AK8: variants seen among roughly 807,000 people sequenced by gnomAD.
AK8 encodes ATP-AMP transphosphorylase 8.
A neutral mutation model predicts 54.6 loss-of-function variants in AK8; 44 were observed. The observed-to-expected ratio is 0.81, with a 90% confidence interval of 0.63 to 1.04. The LOEUF is 1.04. Ranked by LOEUF, AK8 falls within the 50% of genes least tolerant of loss-of-function variation. AK8 has a pLI of 0.00. For synonymous variants in AK8, 239 were observed against 245.6 expected (o/e 0.97, Z 0.25); for missense variants, 555 against 613.6 (o/e 0.90, Z 1.01).
chr9:132,813,394 C>G (rs1341262078), intron 10 of AK8, among the ~76,000 whole-genome samples: 1 of 152,218 alleles, frequency 6.6e-6, no homozygotes, highest in Non-Finnish European at 1.5e-5. Flanking sequence ...TCCTCCTCAT[C>G]AACCTGCTCC....
At chr9:132,852,765 G>C (rs1354994754) in intron 5 of AK8, among the ~76,000 whole-genome samples, 1 of 87,814 alleles carries the variant, frequency 1.1e-5, no homozygotes, top group South Asian at 4.2e-4. Flanking sequence ...GTGAGATTAG[G>C]TCTCAAAAAA....
At chr9:132,818,976 A>G (rs1223182495) in intron 9 of AK8, among the ~76,000 whole-genome samples, 3 of 152,246 alleles carry the variant, frequency 2.0e-5, no homozygotes, top group Non-Finnish European at 4.4e-5. Flanking sequence ...TAAGAAAGTT[A>G]GAGAAACTTC....
At chr9:132,726,260 C>T (rs1836565099) in intron 12 of AK8, among the ~76,000 whole-genome samples, 1 of 150,696 alleles carries the variant, frequency 6.6e-6, no homozygotes, top group African/African-American at 2.4e-5. Context: ...CCCTCCCTCC[C>T]CTATCCTCCC....
intron 5 of AK8, among the ~76,000 whole-genome samples, chr9:132,844,396 A>G (rs1000250553): frequency 6.6e-6 from 1 of 152,098 alleles, no homozygotes; most frequent in East Asian, 1.9e-4. Context: ...TTCCCTGAAC[A>G]CTATTCCCTG....
intron 11 of AK8, among the ~76,000 whole-genome samples, chr9:132,748,937 C>T (rs575356589): frequency 1.3e-5 from 2 of 151,918 alleles, no homozygotes; most frequent in Non-Finnish European, 2.9e-5. Flanking sequence ...TGCAATGGCG[C>T]GATCTCGGCT....
intron 5 of AK8, among the ~76,000 whole-genome samples, chr9:132,828,986 C>T (rs1187429044): frequency 1.4e-5 from 2 of 143,494 alleles, no homozygotes; most frequent in African/African-American, 5.2e-5. Flanking sequence ...GATGGAGTTT[C>T]ACTCTCGTTG....
chr9:132,834,946 T>C (rs1468124403), intron 5 of AK8, among the ~76,000 whole-genome samples: 1 of 151,718 alleles, frequency 6.6e-6, no homozygotes, highest in East Asian at 1.9e-4. Context: ...CTCGGCTCAC[T>C]GCGACCTTCT....
At chr9:132,805,989 C>G (rs1057499001) in intron 10 of AK8, among the ~76,000 whole-genome samples, 1 of 151,866 alleles carries the variant, frequency 6.6e-6, no homozygotes, top group African/African-American at 2.4e-5. Context: ...ACAGCGGGGG[C>G]TCTGGGTTGG....
At chr9:132,853,510 T>C (rs1564439848) in intron 5 of AK8, among the ~76,000 whole-genome samples, 1 of 151,738 alleles carries the variant, frequency 6.6e-6, no homozygotes, top group Non-Finnish European at 1.5e-5. Context: ...CAGAAGTAAG[T>C]GGAGGCTGGG....
chr9:132,786,547 A>G (rs1294958677), intron 11 of AK8, among the ~76,000 whole-genome samples: 1 of 152,148 alleles, frequency 6.6e-6, no homozygotes, highest in East Asian at 1.9e-4. Context: ...TCTCTGGGGA[A>G]TCGGAGCAGC....
intron 5 of AK8, among the ~76,000 whole-genome samples, chr9:132,852,371 AG>A (rs1036532162): frequency 2.6e-5 from 4 of 152,278 alleles, no homozygotes; most frequent in African/African-American, 9.6e-5. Flanking sequence ...GCACTTTGGA[AG>A]GTCGAGGCGG....
chr9:132,848,985 T>C (rs2131367977), intron 5 of AK8, among the ~76,000 whole-genome samples: 1 of 148,262 alleles, frequency 6.7e-6, no homozygotes, highest in Non-Finnish European at 1.5e-5. Flanking sequence ...CTCGGCTCAC[T>C]GCAACCTCTG....
At chr9:132,758,443 TTTTG>T (rs893516200) in intron 11 of AK8, among the ~76,000 whole-genome samples, 3 of 152,144 alleles carry the variant, frequency 2.0e-5, no homozygotes, top group East Asian at 1.9e-4. Flanking sequence ...TTTTCTTTTT[TTTTG>T]TTTGTTTGTT....
intron 5 of AK8, among the ~76,000 whole-genome samples, chr9:132,842,100 G>C (rs939493381): frequency 1.3e-5 from 2 of 152,190 alleles, no homozygotes; most frequent in Non-Finnish European, 2.9e-5. Flanking sequence ...AGAAAACAAA[G>C]CTAGCACACT....
At chr9:132,857,036 C>T (rs1843197750) in intron 4 of AK8, among the ~76,000 whole-genome samples, 2 of 152,076 alleles carry the variant, frequency 1.3e-5, no homozygotes, top group African/African-American at 4.8e-5. Flanking sequence ...GGATGGTGCA[C>T]AGAGGAAAAA....
chr9:132,761,247 CTTTTTTCT>C (rs943374435), intron 11 of AK8, among the ~76,000 whole-genome samples: 1 of 143,152 alleles, frequency 7.0e-6, no homozygotes, highest in African/African-American at 2.7e-5. Context: ...TTTTCTATTT[CTTTTTTCT>C]TTTCTTTTCT....
chr9:132,871,024 T>A (rs547395604), intron 2 of AK8, among the ~76,000 whole-genome samples: 2 of 152,232 alleles, frequency 1.3e-5, no homozygotes, highest in South Asian at 4.1e-4. Context: ...GGCGGGTGGA[T>A]CATCTGAGGT....
At chr9:132,727,121 G>A (rs779006930) in intron 12 of AK8, among the ~76,000 whole-genome samples, 4 of 152,112 alleles carry the variant, frequency 2.6e-5, no homozygotes, top group African/African-American at 7.2e-5. Context: ...GGGATGCATC[G>A]TGGCTCAAGG....
rs1841883509 is a variant in AK8 at position 132,826,715 on chromosome 9, C to G, written c.757+139G>C. 2 of 992,130 alleles carry G rather than the reference C, an allele frequency of 2.0e-6. No homozygotes were observed. Among genetic ancestry groups the G allele is most frequent in the East Asian group, 2.6e-5 (1 of 39,162 alleles). The allele number at this position is 992,130 out of a possible 1,614,324, so 61.5% of individuals were successfully genotyped here. A position where few individuals can be genotyped will look rare whatever the true frequency, so the allele number is the denominator to read the frequency against. On this transcript the variant is annotated intron_variant, in intron 8 of 12. Transcript: ENST00000298545. This position sits in a 1 kb window ranked among gnomAD's most constrained non-coding sequence, Gnocchi z 4.5. Reference sequence around the variant, plus strand: ...GCATTTCTGGGCAGGGAACCCGGGTCATCTATGTCTTGACTTCCAGGGTCC... The same window carrying G: ...GCATTTCTGGGCAGGGAACCCGGGTGATCTATGTCTTGACTTCCAGGGTCC...
Sources: allele counts gnomAD v4.1 joint callset (sites outside exome capture counted in the v4.1 genomes callset), GRCh38; gene constraint gnomAD v4.1.1; non-coding constraint Gnocchi (gnomAD v3.1); transcripts MANE v1.5; gene names NCBI Gene and HGNC (gene_info 2026-07-23, HGNC 2026-07-21).